FSD1L: variants seen among roughly 807,000 people sequenced by gnomAD.
The protein encoded by FSD1L is FSD1-like protein.
A neutral mutation model predicts 71.6 loss-of-function variants in FSD1L; 45 were observed. The observed-to-expected ratio is 0.63, with a 90% CI of 0.49 to 0.81. FSD1L has a LOEUF of 0.81. Ranked by LOEUF, FSD1L falls within the 30% of genes least tolerant of loss-of-function variation. The pLI, the probability that FSD1L is intolerant of heterozygous loss-of-function variation, is 0.00. For missense variants in FSD1L, 561 were observed against 618.1 expected (o/e 0.91, Z 0.98); for synonymous variants, 197 against 207.2 (o/e 0.95, Z 0.42).
At chr9:105,482,964 G>A (rs767724587) in intron 6 of FSD1L, among the ~76,000 whole-genome samples, 4 of 152,150 alleles carry the variant, frequency 2.6e-5, no homozygotes, top group Non-Finnish European at 4.4e-5. Flanking sequence ...TAGTAAGTAC[G>A]TATCTGACTA....
intron 7 of FSD1L, among the ~76,000 whole-genome samples, chr9:105,490,938 G>T (rs1188450674): frequency 6.9e-6 from 1 of 145,824 alleles, no homozygotes; most frequent in Non-Finnish European, 1.5e-5. Context: ...GTCAGGTAGC[G>T]TGATGCCTCC....
intron 10 of FSD1L, among the ~76,000 whole-genome samples, chr9:105,519,025 A>G (rs1168121221): frequency 6.6e-6 from 1 of 152,244 alleles, no homozygotes; most frequent in Non-Finnish European, 1.5e-5. Context: ...GAATATTATA[A>G]ACACCTCTAT....
At chr9:105,525,941 T>G in intron 10 of FSD1L, 1 of 1,567,746 alleles carries the variant, frequency 6.4e-7, no homozygotes, top group Non-Finnish European at 8.8e-7. Flanking sequence ...ACCAAAAAAT[T>G]GAGACATTTG....
chr9:105,528,685 A>C (rs1835684862), intron 10 of FSD1L, among the ~76,000 whole-genome samples: 1 of 152,238 alleles, frequency 6.6e-6, no homozygotes, highest in South Asian at 2.1e-4. Context: ...ATCCTGGAAG[A>C]AATCCTAGGC....
chr9:105,475,632 T>C (rs1170454855), intron 5 of FSD1L, among the ~76,000 whole-genome samples: 1 of 152,188 alleles, frequency 6.6e-6, no homozygotes, highest in African/African-American at 2.4e-5. Flanking sequence ...GATCTAAATA[T>C]TTGTTAAGCA....
At position 105,498,852 on chromosome 9, in the gene FSD1L, C is replaced by T. The variant is rs145572500; in HGVS notation, c.587-7547C>T. Among the ~76,000 whole-genome samples, 1,268 of 152,206 alleles carry T rather than the reference C, an allele frequency of 8.3e-3. 20 individuals are homozygous for T. The highest frequency in any genetic ancestry group is 0.029 in the African/African-American group (1,211 of 41,516). ...TTGGCCAAGCTGGTCTTGAACTCCT[C>T]ATCTCAAGTGATCCGCCCCCCTCCC... On this transcript the variant is annotated intron_variant, in intron 7 of 13. Coordinates refer to ENST00000481272, the MANE Select transcript of FSD1L (RefSeq NM_001145313.3).
intron 8 of FSD1L, 104 bp downstream of exon 8, chr9:105,506,712 C>A: frequency 1.2e-6 from 1 of 827,616 alleles, no homozygotes; most frequent in Non-Finnish European, 1.9e-6. Context: ...TTTCTTTAGT[C>A]ACACTGAGTT....
At chr9:105,447,809 C>A, upstream of FSD1L, 1 of 284,226 alleles carries the variant, frequency 3.5e-6, no homozygotes, top group South Asian at 3.9e-5. Context: ...CCTTCCCGGG[C>A]CCTCCGCACC....
At chr9:105,522,812 G>C (rs1038543397) in intron 10 of FSD1L, 2 of 1,613,218 alleles carry the variant, frequency 1.2e-6, no homozygotes, top group African/African-American at 2.7e-5. Context: ...GTAATGCCTC[G>C]ACTATGACAA....
Position 105,508,639 on chromosome 9 carries a change from T to C in FSD1L, c.819T>C (p.Tyr273=), listed in dbSNP as rs906258750. The change falls in exon 9 of 14, where the codon TAT becomes TAC. Residue 273 remains tyrosine (Y), a synonymous_variant. Coordinates refer to ENST00000481272, the MANE Select transcript of FSD1L (RefSeq NM_001145313.3). ...CAGGCTTAAAATTTGATTCAAAGTA[T>C]ATGAATTTCAGAGTGCGAGCTTGTA... ...TLSGLKFDSK[Y]MNFRVRACNK... 6.4e-7 allele frequency: 1 copy of C among 1,550,850 alleles called. No individual in the cohort carries two copies. The highest frequency in any genetic ancestry group is 2.0e-5 in the Admixed American group (1 of 50,962).
At chr9:105,533,416 C>T (rs368333481) in intron 10 of FSD1L, among the ~76,000 whole-genome samples, 1,061 of 28,980 alleles carry the variant, frequency 0.037, 2 homozygotes, top group South Asian at 0.091. Context: ...CCATTTCCAT[C>T]TTTTTTTTTT....
At position 105,526,069 on chromosome 9, in the gene FSD1L, T is replaced by G. The variant is rs1043920292; in HGVS notation, c.1026-8424T>G. Reference sequence around the variant, plus strand: ...AATATATCCAATGAAAAATCACATGTTCAGTATTCAGATAATGAGAAAACC... The same window carrying G: ...AATATATCCAATGAAAAATCACATGGTCAGTATTCAGATAATGAGAAAACC... On this transcript the variant is annotated intron_variant, in intron 10 of 13. Transcript: ENST00000481272. The G allele has an allele frequency of 2.6e-6, 4 of 1,509,640 alleles. No homozygotes were observed. The East Asian group carries it at 9.0e-5, about 34-fold the overall frequency. 93.5% of individuals were successfully genotyped at this position (1,509,640 alleles called of 1,614,324 possible). A position where few individuals can be genotyped will look rare whatever the true frequency, so the allele number is the denominator to read the frequency against.
chr9:105,502,472 C>T (rs1003475007), intron 7 of FSD1L, among the ~76,000 whole-genome samples: 5 of 151,992 alleles, frequency 3.3e-5, no homozygotes, highest in African/African-American at 1.2e-4. Flanking sequence ...TTTTCTATCC[C>T]CTTCTCAGTT....
intron 10 of FSD1L, among the ~76,000 whole-genome samples, chr9:105,529,010 TA>T (rs973866936): frequency 1.3e-4 from 20 of 151,184 alleles, no homozygotes; most frequent in Admixed American, 2.0e-4. Context: ...ACAAAGATAT[TA>T]AAAAAAATGC....
intron 6 of FSD1L, among the ~76,000 whole-genome samples, chr9:105,481,793 G>C (rs1383860588): frequency 6.7e-6 from 1 of 149,238 alleles, no homozygotes; most frequent in Non-Finnish European, 1.5e-5. Flanking sequence ...TTTTTTTTGG[G>C]TCAGGGTCTT....
upstream of FSD1L, chr9:105,447,940 G>A: frequency 7.7e-6 from 4 of 521,330 alleles, no homozygotes; most frequent in Non-Finnish European, 1.0e-5. Flanking sequence ...CAGACGGGCG[G>A]CGCTCCCCAC....
intron 1 of FSD1L, among the ~76,000 whole-genome samples, chr9:105,454,279 A>G (rs921657761): frequency 6.6e-6 from 1 of 152,216 alleles, no homozygotes; most frequent in East Asian, 1.9e-4. Context: ...ATTTTTCCAT[A>G]TTAATCATTC....
intron 3 of FSD1L, among the ~76,000 whole-genome samples, chr9:105,466,706 AAT>A (rs1318097904): frequency 1.0e-4 from 15 of 149,456 alleles, no homozygotes; most frequent in East Asian, 2.1e-4. Flanking sequence ...AAAAAAAAAA[AAT>A]AATTATTTTA....
chr9:105,543,715 G>A (rs1198317721), intron 13 of FSD1L, among the ~76,000 whole-genome samples: 2 of 152,268 alleles, frequency 1.3e-5, no homozygotes, highest in East Asian at 3.9e-4. Context: ...AGTTTGCTGA[G>A]AATGATGGTT....
Sources: allele counts gnomAD v4.1 joint callset (sites outside exome capture counted in the v4.1 genomes callset), GRCh38; gene constraint gnomAD v4.1.1; transcripts MANE v1.5; gene names NCBI Gene and HGNC (gene_info 2026-07-23, HGNC 2026-07-21).